HEATR5A: variants seen among roughly 807,000 people sequenced by gnomAD.
HEATR5A encodes HEAT repeat containing 5A.
A neutral mutation model predicts 218.8 loss-of-function variants in HEATR5A; 178 were observed. The ratio of observed to expected loss-of-function variants is 0.81; its 90% CI spans 0.72 to 0.92. The LOEUF (loss-of-function observed/expected upper bound fraction) is 0.92, where lower values mean the gene tolerates loss of function less well. Among genes scored for constraint, HEATR5A ranks in the 40% least tolerant of loss-of-function variants. The pLI is 0.00. For synonymous variants in HEATR5A, 864 were observed against 871.6 expected (o/e 0.99, Z 0.15); for missense variants, 2,420 against 2,418.9 (o/e 1.00, Z -0.01).
intron 1 of HEATR5A, among the ~76,000 whole-genome samples, chr14:31,416,445 T>C (rs1394832865): frequency 6.6e-6 from 1 of 152,164 alleles, no homozygotes; most frequent in African/African-American, 2.4e-5. Context: ...TTGGCAAAAG[T>C]ATATGTACAG....
At chr14:31,381,518 C>T (rs2029980840) in intron 10 of HEATR5A, among the ~76,000 whole-genome samples, 1 of 125,332 alleles carries the variant, frequency 8.0e-6, no homozygotes, top group South Asian at 2.7e-4. Context: ...CACACCACTG[C>T]ATTGCAGCCT....
intron 13 of HEATR5A, 171 bp downstream of exon 13, chr14:31,371,639 T>C: frequency 4.8e-6 from 2 of 413,228 alleles, no homozygotes; most frequent in Non-Finnish European, 8.6e-6. Flanking sequence ...TTCCTTCCCT[T>C]TTAATATGTA....
chr14:31,293,379 T>G lies in HEATR5A; in HGVS notation c.6067A>C (p.Lys2023Gln). Reference sequence around the variant, plus strand: ...TTAGTATATTTAGATGTTGGTATCTTGACTTTGACACTTTCCTGATTGCCC... The same window carrying G: ...TTAGTATATTTAGATGTTGGTATCTGGACTTTGACACTTTCCTGATTGCCC... ...IKGNQESVKVKIPTSKYTKSP... is the reference protein window; with the variant it reads ...IKGNQESVKVQIPTSKYTKSP... Residue 2023 changes from lysine (K) to glutamine (Q), a missense_variant, in exon 36 of 36, where the codon AAG (lysine) becomes CAG (glutamine). Physicochemically the swap from Lys to Gln is moderately conservative, Grantham distance 53. Coordinates refer to ENST00000543095, the MANE Select transcript of HEATR5A (RefSeq NM_015473.4). 6.2e-7 allele frequency: 1 copy of G among 1,613,944 alleles called. No homozygotes were observed. The highest frequency in any genetic ancestry group is 8.5e-7 in the Non-Finnish European group (1 of 1,179,832).
chr14:31,386,644 G>T, intron 8 of HEATR5A, 69 bp from the exon 9 acceptor site: 1 of 1,413,570 alleles, frequency 7.1e-7, no homozygotes. Context: ...GGTGTGAAGA[G>T]TAAAAAGGTA....
intron 2 of HEATR5A, 150 bp downstream of exon 2, chr14:31,402,700 A>C: frequency 1.5e-6 from 1 of 652,376 alleles, no homozygotes; most frequent in Non-Finnish European, 2.3e-6. Context: ...CTGATGAGGG[A>C]ACAAAAAATG....
chr14:31,416,138 G>A (rs1216066967), intron 1 of HEATR5A, among the ~76,000 whole-genome samples: 2 of 151,992 alleles, frequency 1.3e-5, no homozygotes, highest in Non-Finnish European at 2.9e-5. Flanking sequence ...TGTTTTTTGA[G>A]ATGGAGTCTC....
chr14:31,336,462 T>C (rs1443649624), intron 22 of HEATR5A, among the ~76,000 whole-genome samples: 1 of 151,698 alleles, frequency 6.6e-6, no homozygotes, highest in Non-Finnish European at 1.5e-5. Context: ...GTGCTTAAGA[T>C]TACAGGTGTG....
At chr14:31,329,450 C>G (rs1313752901) in intron 22 of HEATR5A, among the ~76,000 whole-genome samples, 1 of 152,126 alleles carries the variant, frequency 6.6e-6, no homozygotes, top group Non-Finnish European at 1.5e-5. Flanking sequence ...GGCTGCAGTC[C>G]CCACGCAAGT....
chr14:31,343,998 G>A lies in HEATR5A; in HGVS notation c.3126C>T (p.Asn1042=), dbSNP rs764408804. 6.2e-7 allele frequency: 1 copy of A among 1,610,942 alleles called. No individual in the cohort carries two copies. Among genetic ancestry groups the A allele is most frequent in the Non-Finnish European group, 8.5e-7 (1 of 1,178,506 alleles). The change falls in exon 21 of 36, where the codon AAC becomes AAT. Residue 1042 remains asparagine, a synonymous_variant. Coordinates refer to ENST00000543095, the MANE Select transcript of HEATR5A (RefSeq NM_015473.4). ...CLLGCAVMQD[N]PDCLVQAQAI... is the part of the protein sequence containing the mutation. ...CCTGAGCTTGAACAAGGCAGTCTGGGTTATCTTGCATTACTGCACAACCCA... is the reference window on the plus strand; with the variant it reads ...CCTGAGCTTGAACAAGGCAGTCTGGATTATCTTGCATTACTGCACAACCCA...
intron 4 of HEATR5A, among the ~76,000 whole-genome samples, chr14:31,397,717 G>T (rs1470156655): frequency 6.7e-6 from 1 of 150,290 alleles, no homozygotes; most frequent in Non-Finnish European, 1.5e-5. Flanking sequence ...GGAGTCCAGT[G>T]GCATGACCAT....
intron 20 of HEATR5A, 62 bp downstream of exon 20, chr14:31,345,025 C>A (rs1900976066): frequency 7.2e-7 from 1 of 1,386,468 alleles, no homozygotes; most frequent in South Asian, 1.3e-5. Context: ...AGACTAGGAA[C>A]TGAATTCACT....
Position 31,294,025 on chromosome 14 carries a change from G to C in HEATR5A, c.5699C>G (p.Ser1900Cys), listed in dbSNP as rs753516923. The change falls in exon 35 of 36, where the codon TCT (serine) becomes TGT (cysteine). Residue 1900 changes from serine (S) to cysteine (C), a missense_variant. Ser to Cys is a moderately radical substitution (Grantham distance 112). Coordinates refer to ENST00000543095, the MANE Select transcript of HEATR5A (RefSeq NM_015473.4). ...TTTTTCCATGATACAGGATGCTAAA[G>C]AGTAAATGTATGGGTAGGAAACAGC... ...NPAVSYPYIY[S>C]LASCIMEKLQ... is the part of the protein sequence containing the mutation. 1.1e-5 allele frequency: 18 copies of C among 1,604,748 alleles called. No homozygotes were observed. The highest frequency in any genetic ancestry group is 6.7e-5 in the South Asian group (6 of 89,052).
At chr14:31,302,922 T>G (rs2139132369) in intron 32 of HEATR5A, among the ~76,000 whole-genome samples, 1 of 131,286 alleles carries the variant, frequency 7.6e-6, no homozygotes, top group African/African-American at 3.0e-5. Flanking sequence ...GGCAACACAG[T>G]GAGACTTCAT....
chr14:31,419,444 C>T lies in HEATR5A; in HGVS notation c.-75+1028G>A, dbSNP rs376246774. Among the ~76,000 whole-genome samples, 5 of 152,240 alleles carry T rather than the reference C, an allele frequency of 3.3e-5. No homozygotes were observed. In the East Asian group the frequency reaches 5.8e-4, roughly 18 times the overall value. ...ATGCTCAATTCTAACCACACTTCTG[C>T]TTTCCCTACAGCTTAAGTAATTTCA... On this transcript the variant is annotated intron_variant, in intron 1 of 35. Transcript: ENST00000543095.
chr14:31,308,951 C>G lies in HEATR5A; in HGVS notation c.4673G>C (p.Arg1558Thr). The G allele has an allele frequency of 6.2e-7, 1 of 1,612,868 alleles. No individual in the cohort carries two copies. Among genetic ancestry groups the G allele is most frequent in the Non-Finnish European group, 8.5e-7 (1 of 1,179,342 alleles). Residue 1558 changes from arginine to threonine, a missense_variant, in exon 29 of 36, where the codon AGA becomes ACA. By Grantham distance (71) the Arg-to-Thr change is moderately conservative (BLOSUM62 -1). Transcript: ENST00000543095. ...TAACTGACCTAAAATAAGATGGAAT[C>G]TATCAGTGTAGACATCCTCAGGGGA... is the stretch of plus-strand genomic sequence containing the variant. ...IKSPEDVYTD[R>T]FHLILGISVE...
intron 16 of HEATR5A, 118 bp downstream of exon 16, chr14:31,358,519 T>C (rs1273813500): frequency 1.1e-6 from 1 of 914,466 alleles, no homozygotes; most frequent in Middle Eastern, 2.6e-4. Context: ...CAAAAACTTA[T>C]ATTTCACCTT....
At chr14:31,359,729 CAAAAAAAAAA>C (rs376157768) in intron 14 of HEATR5A, among the ~76,000 whole-genome samples, 2 of 32,198 alleles carry the variant, frequency 6.2e-5, no homozygotes, top group African/African-American at 8.3e-5. Flanking sequence ...CATCTCAAGA[CAAAAAAAAAA>C]AAAAAAAAAA....
chr14:31,386,098 C>T (rs1347361017), intron 9 of HEATR5A, among the ~76,000 whole-genome samples: 1 of 152,098 alleles, frequency 6.6e-6, no homozygotes, highest in Non-Finnish European at 1.5e-5. Context: ...CTTTAAAGAC[C>T]TTTGAGGAAC....
chr14:31,323,619 T>C lies in HEATR5A; in HGVS notation c.3733A>G (p.Ser1245Gly), dbSNP rs1212175665. 4 of 1,611,520 alleles carry C rather than the reference T, an allele frequency of 2.5e-6. No homozygotes were observed. The Admixed American group carries it at 5.0e-5, about 20-fold the overall frequency. The change falls in exon 24 of 36, where the codon AGT becomes GGT. Residue 1245 changes from serine to glycine, a missense_variant. Ser to Gly is a moderately conservative substitution (Grantham distance 56, BLOSUM62 0). Transcript: ENST00000543095. ...GCTAAAGCAATGTCAAAATGTGCACTGTTAGCATTCTCACATTGGTTAATT... is the reference window on the plus strand; with the variant it reads ...GCTAAAGCAATGTCAAAATGTGCACCGTTAGCATTCTCACATTGGTTAATT... ...RIINQCENAN[S>G]AHFDIALAQE... is the part of the protein sequence containing the mutation.
Sources: allele counts gnomAD v4.1 joint callset (sites outside exome capture counted in the v4.1 genomes callset), GRCh38; gene constraint gnomAD v4.1.1; transcripts MANE v1.5; gene names NCBI Gene and HGNC (gene_info 2026-07-23, HGNC 2026-07-21).